The following SAP30L variants were observed in gnomAD, a reference collection of about 807,000 sequenced individuals.
SAP30L encodes histone deacetylase complex subunit SAP30L.
Under a neutral mutation model 22.3 loss-of-function variants are expected in SAP30L, and 10 were observed. The ratio of observed to expected loss-of-function variants is 0.45; its 90% confidence interval spans 0.28 to 0.76. The LOEUF (loss-of-function observed/expected upper bound fraction) is 0.76. Among genes scored for constraint, SAP30L ranks in the 30% least tolerant of loss-of-function variants. The pLI is 0.14. For missense variants in SAP30L, 206 were observed against 237.9 expected (o/e 0.87, Z 0.88); for synonymous variants, 91 against 94.1 (o/e 0.97, Z 0.19).
In SAP30L at chr5:154,446,425, G is replaced by C. The variant is rs1170585315; in HGVS notation, c.-180G>C. 1 of 460,464 alleles carries C rather than the reference G, an allele frequency of 2.2e-6. No homozygotes were observed. The highest frequency in any genetic ancestry group is 4.5e-5 in the Admixed American group (1 of 22,438). 28.5% of individuals were successfully genotyped at this position (460,464 alleles called of 1,614,324 possible). Reference sequence around the variant, plus strand: ...CGGGAGGAAGGGGGCTTCCGGAGGCGGAGGGCCGGGGGCCGAGGGAGCCGG... The same window carrying C: ...CGGGAGGAAGGGGGCTTCCGGAGGCCGAGGGCCGGGGGCCGAGGGAGCCGG... On this transcript the variant is annotated 5_prime_UTR_variant, in exon 1 of 4. Coordinates refer to ENST00000297109, the MANE Select transcript of SAP30L (RefSeq NM_024632.6).
chr5:154,452,077 C>A (rs1337160979), intron 2 of SAP30L, among the ~76,000 whole-genome samples: 1 of 152,152 alleles, frequency 6.6e-6, no homozygotes, highest in Non-Finnish European at 1.5e-5. Context: ...ACTCAAGACT[C>A]AGCAAGAGAA....
intron 1 of SAP30L, among the ~76,000 whole-genome samples, chr5:154,448,469 G>T (rs1382969499): frequency 6.6e-6 from 1 of 152,182 alleles, no homozygotes; most frequent in Admixed American, 6.5e-5. Flanking sequence ...TAGACACCAA[G>T]GTGATCCCTC....
rs953882305 is a variant in SAP30L, at chr5:154,458,970, C to T, written c.*2942C>T. 2 of 152,246 alleles carry T rather than the reference C, an allele frequency of 1.3e-5. No individual in the cohort carries two copies. Among genetic ancestry groups the T allele is most frequent in the Non-Finnish European group, 2.9e-5 (2 of 68,042 alleles). 9.4% of individuals were successfully genotyped at this position (152,246 alleles called of 1,614,324 possible). ...TCCTGTCATAGCTAAATAGTCACTG[C>T]TAGCCTTTCAGAGAACAGATAGTAA... is the stretch of plus-strand genomic sequence containing the variant. On this transcript the variant is annotated 3_prime_UTR_variant, in exon 4 of 4. Coordinates refer to ENST00000297109, the MANE Select transcript of SAP30L (RefSeq NM_024632.6).
chr5:154,451,802 G>A (rs146813672), intron 2 of SAP30L, among the ~76,000 whole-genome samples: 1 of 152,282 alleles, frequency 6.6e-6, no homozygotes, highest in East Asian at 1.9e-4. Flanking sequence ...CCTCTGCATT[G>A]TAGGATATTT....
chr5:154,452,889 T>A (rs1757177920), intron 2 of SAP30L, among the ~76,000 whole-genome samples: 1 of 152,126 alleles, frequency 6.6e-6, no homozygotes, highest in African/African-American at 2.4e-5. Flanking sequence ...TTCATCTCAT[T>A]CTGATTGTTG....
chr5:154,450,262 A>T (rs1033157656), intron 1 of SAP30L, among the ~76,000 whole-genome samples: 12 of 152,198 alleles, frequency 7.9e-5, no homozygotes, highest in Non-Finnish European at 1.6e-4. Context: ...AATCTGTAGT[A>T]TCCACCTTCT....
intron 1 of SAP30L, 56 bp downstream of exon 1, chr5:154,446,861 G>C (rs886540449): frequency 6.7e-7 from 1 of 1,483,488 alleles, no homozygotes; most frequent in Non-Finnish European, 9.2e-7. Context: ...TCCGTCCGCT[G>C]CCCTGGGCTC....
intron 1 of SAP30L, among the ~76,000 whole-genome samples, chr5:154,449,297 A>G (rs76547063): frequency 1.9e-3 from 287 of 152,218 alleles, no homozygotes; most frequent in African/African-American, 6.7e-3. Context: ...TATAAAGGAA[A>G]ATGCTGGAGT....
At position 154,446,718 on chromosome 5, in the gene SAP30L, C is replaced by T; in HGVS notation, c.114C>T (p.Cys38=). ...GCCTCATCGAGGACGGCGAGCGCTG[C>T]GTCCGGCCCGCGGGCAACGCCTCCT... ...SCCLIEDGER[C]VRPAGNASFS... is the part of the protein sequence containing the mutation. Residue 38 remains cysteine, a synonymous_variant, in exon 1 of 4, where the codon TGC becomes TGT. Transcript: ENST00000297109. 1.2e-6 allele frequency: 2 copies of T among 1,603,616 alleles called. No homozygotes were observed. The highest frequency in any genetic ancestry group is 1.7e-6 in the Non-Finnish European group (2 of 1,177,422).
chr5:154,456,210 CTT>C lies in SAP30L; in HGVS notation c.*184_*185del. ...ATGATTCAGCATGTGTATAGAAAGA[CTT>C]TCTTTTACGATAACTCTGGACTAAA... is the stretch of plus-strand genomic sequence containing the variant. On this transcript the variant is annotated 3_prime_UTR_variant, in exon 4 of 4. Coordinates refer to ENST00000297109, the MANE Select transcript of SAP30L (RefSeq NM_024632.6). 1 of 486,072 alleles carries C rather than the reference CTT, an allele frequency of 2.1e-6. No homozygotes were observed. Among genetic ancestry groups the C allele is most frequent in the Non-Finnish European group, 3.4e-6 (1 of 294,004 alleles). The allele number at this position is 486,072 out of a possible 1,614,324, so 30.1% of individuals were successfully genotyped here.
At chr5:154,454,031 T>C (rs1235004790) in intron 3 of SAP30L, among the ~76,000 whole-genome samples, 1 of 152,174 alleles carries the variant, frequency 6.6e-6, no homozygotes, top group Admixed American at 6.5e-5. Flanking sequence ...ACTATGTTGC[T>C]CAAGTGATTC....
At chr5:154,446,840 G>T (rs1757025121) in intron 1 of SAP30L, 35 bp downstream of exon 1, 2 of 1,558,668 alleles carry the variant, frequency 1.3e-6, no homozygotes, top group Non-Finnish European at 8.7e-7. Context: ...GGGCCCCGGC[G>T]CCCCCAGCTC....
In SAP30L at chr5:154,451,102, A is replaced by G. The variant is rs778061669; in HGVS notation, c.213A>G (p.Leu71=). The stretch of plus-strand genomic sequence containing the variant: ...TTTGTCTCCATCAGGTAAGGCACCT[A>G]TATATCTGTGATTTTCACAAAAATT... ...KLDIDKSVRH[L]YICDFHKNFI... Residue 71 remains leucine (L), a synonymous_variant, in exon 2 of 4, where the codon CTA becomes CTG. Transcript: ENST00000297109. The G allele has an allele frequency of 8.8e-5, 142 of 1,613,996 alleles. No individual in the cohort carries two copies. The highest frequency in any genetic ancestry group is 1.7e-4 in the Admixed American group (10 of 59,972).
chr5:154,455,945 A>G lies in SAP30L; in HGVS notation c.469A>G (p.Thr157Ala), dbSNP rs1757254176. ...FRNIPVNEKE[T>A]LAYFIYMVKS... ...GAACATACCTGTGAATGAAAAAGAGACCCTTGCCTACTTCATCTACATGGT... is the reference window on the plus strand; with the variant it reads ...GAACATACCTGTGAATGAAAAAGAGGCCCTTGCCTACTTCATCTACATGGT... Residue 157 changes from threonine to alanine, a missense_variant, in exon 4 of 4, where the codon ACC (threonine) becomes GCC (alanine). Thr to Ala is a moderately conservative substitution (Grantham distance 58). Transcript: ENST00000297109. The G allele has an allele frequency of 1.2e-6, 2 of 1,613,980 alleles. No individual in the cohort carries two copies. The highest frequency in any genetic ancestry group is 1.7e-6 in the Non-Finnish European group (2 of 1,179,974).
At chr5:154,451,876 A>G (rs1172373153) in intron 2 of SAP30L, among the ~76,000 whole-genome samples, 1 of 152,156 alleles carries the variant, frequency 6.6e-6, no homozygotes, top group Admixed American at 6.5e-5. Context: ...AGTCATGACA[A>G]TCAAAACGTG....
chr5:154,450,617 C>G (rs548758928), intron 1 of SAP30L, among the ~76,000 whole-genome samples: 3 of 152,274 alleles, frequency 2.0e-5, no homozygotes, highest in East Asian at 3.9e-4. Context: ...ATGCCCACCC[C>G]CCTGATGCCT....
At chr5:154,453,753 A>C (rs1757203050) in intron 3 of SAP30L, among the ~76,000 whole-genome samples, 1 of 152,262 alleles carries the variant, frequency 6.6e-6, no homozygotes, top group African/African-American at 2.4e-5. Context: ...TGATAGCAGA[A>C]TTGAGCCTGG....
At chr5:154,447,286 C>A (rs1272461405) in intron 1 of SAP30L, among the ~76,000 whole-genome samples, 1 of 152,230 alleles carries the variant, frequency 6.6e-6, no homozygotes, top group Non-Finnish European at 1.5e-5. Context: ...GAGCTAGCTG[C>A]TTCGCAGGCA....
At chr5:154,451,836 C>G (rs1757147055) in intron 2 of SAP30L, among the ~76,000 whole-genome samples, 1 of 152,200 alleles carries the variant, frequency 6.6e-6, no homozygotes, top group South Asian at 2.1e-4. Flanking sequence ...AGCAGCATCC[C>G]CTCGTGAGAT....
Sources: gnomAD v4.1 joint callset for allele counts (sites outside exome capture counted in the v4.1 genomes callset) on GRCh38, gnomAD v4.1.1 for gene constraint, MANE v1.5 for transcripts, NCBI Gene and HGNC (gene_info 2026-07-23, HGNC 2026-07-21) for gene names.